The following MAPK10 variants were observed in gnomAD, a reference collection of about 807,000 sequenced individuals.
The protein encoded by MAPK10 is mitogen-activated protein kinase 10.
In MAPK10, 25 loss-of-function variants were observed where a neutral mutation model predicts 59.3. That is an observed-to-expected ratio of 0.42 (90% CI 0.31 to 0.59). The LOEUF (loss-of-function observed/expected upper bound fraction) is 0.59, where lower values mean the gene tolerates loss of function less well. Ranked by LOEUF, MAPK10 falls within the 20% of genes least tolerant of loss-of-function variation. The pLI is 0.15. For missense variants in MAPK10, 351 were observed against 568.9 expected (o/e 0.62, Z 3.90); for synonymous variants, 190 against 200.5 (o/e 0.95, Z 0.44).
chr4:86,409,215 C>T (rs866261839), intron 1 of MAPK10, among the ~76,000 whole-genome samples: 10 of 151,988 alleles, frequency 6.6e-5, no homozygotes, highest in South Asian at 2.1e-4. Flanking sequence ...TGGTTGTAGA[C>T]GTGTGGTGTT....
At chr4:86,106,323 G>A (rs4129300) in intron 5 of MAPK10, among the ~76,000 whole-genome samples, 1 of 151,736 alleles carries the variant, frequency 6.6e-6, no homozygotes, top group Non-Finnish European at 1.5e-5. Context: ...TCATACATAA[G>A]AACTTTGTAG....
intron 2 of MAPK10, among the ~76,000 whole-genome samples, chr4:86,251,000 C>T (rs2093384557): frequency 6.6e-6 from 1 of 152,026 alleles, no homozygotes; most frequent in Admixed American, 6.5e-5. Context: ...TAAAATAAAA[C>T]TTCAGGGAGC....
At chr4:86,044,591 T>C in intron 11 of MAPK10, 1 of 394,324 alleles carries the variant, frequency 2.5e-6, no homozygotes, top group Non-Finnish European at 4.5e-6. Context: ...AATACAATGA[T>C]TTCTGGACAG....
At chr4:86,474,423 T>C (rs1019161459) in intron 1 of MAPK10, among the ~76,000 whole-genome samples, 3 of 152,210 alleles carry the variant, frequency 2.0e-5, no homozygotes, top group Non-Finnish European at 4.4e-5. Context: ...AAAATGAAAC[T>C]CAAATGAAAT....
chr4:86,583,630 T>TCAC (rs1397847654), intron 1 of MAPK10, among the ~76,000 whole-genome samples: 1 of 152,148 alleles, frequency 6.6e-6, no homozygotes, highest in Non-Finnish European at 1.5e-5. Context: ...CTGGATTGGA[T>TCAC]ATTGTTGAGC....
chr4:86,290,344 T>A (rs1297805622), intron 2 of MAPK10, among the ~76,000 whole-genome samples: 1 of 152,202 alleles, frequency 6.6e-6, no homozygotes, highest in Non-Finnish European at 1.5e-5. Flanking sequence ...GGATTCAGCA[T>A]GTTCTTCCTT....
At chr4:86,259,358 C>T (rs2093889275) in intron 2 of MAPK10, among the ~76,000 whole-genome samples, 1 of 152,056 alleles carries the variant, frequency 6.6e-6, no homozygotes, top group African/African-American at 2.4e-5. Flanking sequence ...ACAACACAAA[C>T]ACAAAATATT....
chr4:86,102,164 G>A (rs778518691), intron 6 of MAPK10, 132 bp from the exon 7 acceptor site: 11 of 772,562 alleles, frequency 1.4e-5, no homozygotes, highest in Non-Finnish European at 2.4e-5. Flanking sequence ...AATCAAGACT[G>A]AGCATTTCCA....
At chr4:86,546,275 C>T (rs927117156) in intron 1 of MAPK10, among the ~76,000 whole-genome samples, 13 of 151,816 alleles carry the variant, frequency 8.6e-5, no homozygotes, top group African/African-American at 2.9e-4. Flanking sequence ...CGGCTGGGTG[C>T]GGTGGCTCAC....
intron 3 of MAPK10, among the ~76,000 whole-genome samples, chr4:86,188,356 CCCA>C (rs1256866163): frequency 2.0e-5 from 3 of 152,196 alleles, no homozygotes; most frequent in African/African-American, 4.8e-5. Context: ...AATTTACACT[CCCA>C]CCAACAGTGT....
At chr4:86,494,380 G>A (rs1234861002) in intron 1 of MAPK10, among the ~76,000 whole-genome samples, 1 of 152,214 alleles carries the variant, frequency 6.6e-6, no homozygotes, top group Admixed American at 6.5e-5. Flanking sequence ...CTTGGAACAG[G>A]AGGGGACTGG....
intron 1 of MAPK10, among the ~76,000 whole-genome samples, chr4:86,477,953 G>A (rs149393802): frequency 5.3e-5 from 8 of 152,214 alleles, no homozygotes; most frequent in South Asian, 4.2e-4. Flanking sequence ...CTGCCGCAAG[G>A]CTTCACGGAC....
At chr4:86,130,063 G>C (rs2060733805) in intron 4 of MAPK10, among the ~76,000 whole-genome samples, 1 of 152,040 alleles carries the variant, frequency 6.6e-6, no homozygotes, top group Admixed American at 6.6e-5. Flanking sequence ...TGTCCTCTGG[G>C]ATTACAAAAA....
At chr4:86,324,232 C>T (rs2148898754) in intron 2 of MAPK10, among the ~76,000 whole-genome samples, 1 of 152,178 alleles carries the variant, frequency 6.6e-6, no homozygotes, top group Non-Finnish European at 1.5e-5. Context: ...CATGGAGAAA[C>T]CTCCTCTCTA....
At chr4:86,233,184 C>T (rs1173939400) in intron 2 of MAPK10, among the ~76,000 whole-genome samples, 2 of 152,122 alleles carry the variant, frequency 1.3e-5, no homozygotes, top group African/African-American at 4.8e-5. Context: ...GAATCATAGC[C>T]ACTCTCTTTG....
chr4:86,174,631 G>T (rs571341060), intron 3 of MAPK10, among the ~76,000 whole-genome samples: 1 of 152,200 alleles, frequency 6.6e-6, no homozygotes, highest in East Asian at 1.9e-4. Flanking sequence ...TTAAAAAGGT[G>T]ATGTGCCTCC....
At chr4:86,222,822 C>A (rs1157479905) in intron 2 of MAPK10, among the ~76,000 whole-genome samples, 2 of 152,200 alleles carry the variant, frequency 1.3e-5, no homozygotes, top group African/African-American at 4.8e-5. Flanking sequence ...CTTCATCCAA[C>A]CTTCTCCAGG....
At chr4:86,443,829 A>C (rs1370916292) in intron 1 of MAPK10, among the ~76,000 whole-genome samples, 1 of 152,176 alleles carries the variant, frequency 6.6e-6, no homozygotes, top group African/African-American at 2.4e-5. Flanking sequence ...AATTTAAAAC[A>C]ACTATGACTA....
chr4:86,302,077 A>G (rs1458710725), intron 2 of MAPK10, among the ~76,000 whole-genome samples: 2 of 152,100 alleles, frequency 1.3e-5, no homozygotes, highest in African/African-American at 2.4e-5. Context: ...GCTGGCATAC[A>G]TGTGCACAAT....
Sources: allele counts gnomAD v4.1 joint callset (sites outside exome capture counted in the v4.1 genomes callset), GRCh38; gene constraint gnomAD v4.1.1; transcripts MANE v1.5; gene names NCBI Gene and HGNC (gene_info 2026-07-23, HGNC 2026-07-21).